Variants in CCBE1 observed in about 807,000 individuals in gnomAD.
CCBE1 encodes collagen and calcium binding EGF domains 1.
In CCBE1, 37 loss-of-function variants were observed where a neutral mutation model predicts 50.0. The observed-to-expected ratio is 0.74, with a 90% CI of 0.57 to 0.97. CCBE1 has a LOEUF of 0.97. Among genes scored for constraint, CCBE1 ranks in the 50% least tolerant of loss-of-function variants. The pLI is 0.00. For synonymous variants in CCBE1, 234 were observed against 203.7 expected (o/e 1.15, Z -1.27); for missense variants, 538 against 523.8 (o/e 1.03, Z -0.26).
intron 2 of CCBE1, among the ~76,000 whole-genome samples, chr18:59,689,730 T>C (rs1652071): frequency 0.4 from 60,107 of 152,116 alleles, 13,178 homozygotes; most frequent in Non-Finnish European, 0.49. Context: ...TATTTGTCCC[T>C]AGTGGGGCAA....
At chr18:59,479,732 C>G (rs1049295565) in intron 3 of CCBE1, among the ~76,000 whole-genome samples, 2 of 152,178 alleles carry the variant, frequency 1.3e-5, no homozygotes, top group African/African-American at 4.8e-5. Context: ...GGGCTGGGTC[C>G]CCGCCTTACT....
At chr18:59,522,003 A>G (rs1363959347) in intron 2 of CCBE1, among the ~76,000 whole-genome samples, 1 of 152,200 alleles carries the variant, frequency 6.6e-6, no homozygotes, top group Non-Finnish European at 1.5e-5. Flanking sequence ...TGTATTCTTT[A>G]TACGATTTTA....
intron 2 of CCBE1, among the ~76,000 whole-genome samples, chr18:59,500,228 A>G (rs1178419633): frequency 6.6e-6 from 1 of 152,184 alleles, no homozygotes; most frequent in East Asian, 1.9e-4. Context: ...ACACAGCAGG[A>G]TGCTTTCCCA....
intron 2 of CCBE1, among the ~76,000 whole-genome samples, chr18:59,679,909 G>A (rs188334701): frequency 1.1e-3 from 171 of 152,238 alleles, no homozygotes; most frequent in Non-Finnish European, 1.9e-3. Flanking sequence ...AGGTAGGTAA[G>A]AGACATGGTT....
At chr18:59,504,515 T>A (rs377389388) in intron 2 of CCBE1, among the ~76,000 whole-genome samples, 3 of 152,098 alleles carry the variant, frequency 2.0e-5, no homozygotes, top group African/African-American at 7.2e-5. Context: ...GGATTTAGGA[T>A]AGATGCTAAA....
chr18:59,473,366 G>T (rs376276529), intron 3 of CCBE1, among the ~76,000 whole-genome samples: 3 of 152,046 alleles, frequency 2.0e-5, no homozygotes, highest in African/African-American at 2.4e-5. Flanking sequence ...GCTTTTGTAT[G>T]AATCACATCT....
rs185509682 is a variant in CCBE1 at position 59,435,712 on chromosome 18, C to T, written c.*196G>A. On this transcript the variant is annotated 3_prime_UTR_variant, in exon 11 of 11. Coordinates refer to ENST00000439986, the MANE Select transcript of CCBE1 (RefSeq NM_133459.4). ...AAGCAGGTAAATCAATCATTCACTC[C>T]CTCATGTCTGCAGGCCTAGGAGGGG... 8 of 644,104 alleles carry T rather than the reference C, an allele frequency of 1.2e-5. No individual in the cohort carries two copies. In the East Asian group the frequency reaches 1.9e-4, roughly 15 times the overall value. The allele number at this position is 644,104 out of a possible 1,614,324, so 39.9% of individuals were successfully genotyped here.
At chr18:59,575,041 G>A (rs548127348) in intron 2 of CCBE1, among the ~76,000 whole-genome samples, 2 of 152,274 alleles carry the variant, frequency 1.3e-5, no homozygotes, top group South Asian at 4.1e-4. Flanking sequence ...TGAGGATAAA[G>A]GCAGAGGATC....
At chr18:59,496,382 C>T (rs530741903) in intron 2 of CCBE1, among the ~76,000 whole-genome samples, 1 of 152,306 alleles carries the variant, frequency 6.6e-6, no homozygotes, top group Admixed American at 6.5e-5. Context: ...TGGGAAGAAC[C>T]TATCCAAGAT....
intron 2 of CCBE1, among the ~76,000 whole-genome samples, chr18:59,586,426 C>A (rs1023904529): frequency 6.6e-5 from 10 of 152,174 alleles, no homozygotes; most frequent in African/African-American, 2.4e-4. Flanking sequence ...ATCCTCTGGC[C>A]CATGGGGAGT....
intron 2 of CCBE1, among the ~76,000 whole-genome samples, chr18:59,663,492 A>C (rs909581481): frequency 1.3e-5 from 2 of 152,128 alleles, no homozygotes; most frequent in African/African-American, 2.4e-5. Flanking sequence ...TTCTTCACTG[A>C]TGCTGCAGAG....
At chr18:59,656,146 A>C (rs8085808) in intron 2 of CCBE1, among the ~76,000 whole-genome samples, 9,319 of 152,280 alleles carry the variant, frequency 0.061, 869 homozygotes, top group African/African-American at 0.2. Context: ...AAAGAAGTGA[A>C]CATGCATGCT....
chr18:59,674,766 C>G (rs935881499), intron 2 of CCBE1, among the ~76,000 whole-genome samples: 3 of 152,140 alleles, frequency 2.0e-5, no homozygotes, highest in African/African-American at 7.2e-5. Context: ...ATTTGCATTT[C>G]TAAGATATCT....
intron 2 of CCBE1, among the ~76,000 whole-genome samples, chr18:59,610,029 G>A (rs567608724): frequency 1.3e-5 from 2 of 152,302 alleles, no homozygotes; most frequent in African/African-American, 4.8e-5. Context: ...CTAATATTTA[G>A]CAGACAGTCA....
intron 2 of CCBE1, among the ~76,000 whole-genome samples, chr18:59,618,322 GA>G (rs1423293885): frequency 1.3e-5 from 2 of 151,428 alleles, no homozygotes; most frequent in African/African-American, 2.4e-5. Flanking sequence ...GTTTTCCACA[GA>G]ATCTAGTTTA....
intron 2 of CCBE1, among the ~76,000 whole-genome samples, chr18:59,565,944 C>G (rs1263531004): frequency 6.6e-6 from 1 of 152,184 alleles, no homozygotes; most frequent in Non-Finnish European, 1.5e-5. Context: ...CCCCCATCCC[C>G]CAAATGCATT....
chr18:59,485,343 C>T (rs1912765472), intron 2 of CCBE1, among the ~76,000 whole-genome samples: 1 of 152,074 alleles, frequency 6.6e-6, no homozygotes, highest in South Asian at 2.1e-4. Context: ...GGAAAAACTA[C>T]ATCAGAAAAA....
At chr18:59,573,754 C>A (rs1220665415) in intron 2 of CCBE1, among the ~76,000 whole-genome samples, 1 of 152,082 alleles carries the variant, frequency 6.6e-6, no homozygotes, top group African/African-American at 2.4e-5. Context: ...ATCATTACTA[C>A]AAGTTAGAGT....
At chr18:59,612,252 C>T (rs2053578324) in intron 2 of CCBE1, among the ~76,000 whole-genome samples, 1 of 148,068 alleles carries the variant, frequency 6.8e-6, no homozygotes, top group Non-Finnish European at 1.5e-5. Context: ...ATGTAACTAT[C>T]CTGCACGTTG....
Sources: gnomAD v4.1 joint callset for allele counts (sites outside exome capture counted in the v4.1 genomes callset) on GRCh38, gnomAD v4.1.1 for gene constraint, MANE v1.5 for transcripts, NCBI Gene and HGNC (gene_info 2026-07-23, HGNC 2026-07-21) for gene names.